The following DLGAP1 variants were observed in gnomAD, a reference collection of about 807,000 sequenced individuals.
DLGAP1 encodes the protein disks large-associated protein 1.
In DLGAP1, 11 loss-of-function variants were observed where a neutral mutation model predicts 90.8. The observed-to-expected ratio is 0.12, with a 90% confidence interval of 0.08 to 0.20. DLGAP1 has a LOEUF of 0.20. Among genes scored for constraint, DLGAP1 ranks in the 10% least tolerant of loss-of-function variants. The pLI, the probability that DLGAP1 is intolerant of heterozygous loss-of-function variation, is 1.00. For synonymous variants in DLGAP1, 558 were observed against 540.7 expected (o/e 1.03, Z -0.44); for missense variants, 1,050 against 1,333.8 (o/e 0.79, Z 3.31).
intron 2 of DLGAP1, among the ~76,000 whole-genome samples, chr18:4,055,236 A>C (rs1408730530): frequency 6.6e-6 from 1 of 152,138 alleles, no homozygotes; most frequent in African/African-American, 2.4e-5. Flanking sequence ...AGCGGTTGAG[A>C]GAGACTGGGG....
chr18:3,674,142 G>T (rs766051870), intron 7 of DLGAP1, among the ~76,000 whole-genome samples: 28 of 151,876 alleles, frequency 1.8e-4, no homozygotes, highest in Non-Finnish European at 3.2e-4. Context: ...ATGCCTGGCC[G>T]ATTGCTACTC....
intron 1 of DLGAP1, among the ~76,000 whole-genome samples, chr18:4,188,688 G>A (rs182263206): frequency 1.3e-4 from 20 of 152,212 alleles, no homozygotes; most frequent in East Asian, 5.8e-4. Flanking sequence ...GTGTAGGTGC[G>A]CCACATTTCC....
chr18:3,825,502 A>G (rs1598896408), intron 4 of DLGAP1, among the ~76,000 whole-genome samples: 1 of 152,134 alleles, frequency 6.6e-6, no homozygotes, highest in South Asian at 2.1e-4. Context: ...CCTGCACATC[A>G]CTTCATTTGT....
At chr18:3,865,367 G>A (rs1404960684) in intron 4 of DLGAP1, among the ~76,000 whole-genome samples, 1 of 152,046 alleles carries the variant, frequency 6.6e-6, no homozygotes, top group African/African-American at 2.4e-5. Context: ...TTGAGTAAAG[G>A]TTCTTTCATA....
In DLGAP1 at chr18:3,884,386, T is replaced by C. The variant is rs146118428; in HGVS notation, c.-72-4246A>G. ...TAGAATCTCAATATATAAAATGATG[T>C]GGAATAATGTTTCGAACTTTCCTTC... is the stretch of plus-strand genomic sequence containing the variant. On this transcript the variant is annotated intron_variant, in intron 3 of 12. Transcript: ENST00000315677. Among the ~76,000 whole-genome samples the C allele has an allele frequency of 2.6e-3, 392 of 152,348 alleles. 2 individuals carry two copies. The highest frequency in any genetic ancestry group is 9.0e-3 in the African/African-American group (374 of 41,580).
At chr18:3,556,543 T>C (rs2053761150) in intron 9 of DLGAP1, among the ~76,000 whole-genome samples, 1 of 152,218 alleles carries the variant, frequency 6.6e-6, no homozygotes, top group Admixed American at 6.5e-5. Context: ...TTTCACTTAG[T>C]AATAATACGT....
At chr18:3,808,825 C>T (rs2066689612) in intron 5 of DLGAP1, among the ~76,000 whole-genome samples, 1 of 151,940 alleles carries the variant, frequency 6.6e-6, no homozygotes, top group Admixed American at 6.6e-5. Context: ...ACAAGATAAA[C>T]AACAACAACA....
intron 2 of DLGAP1, chr18:4,013,918 G>A (rs181017617): frequency 4.6e-5 from 7 of 152,142 alleles, no homozygotes; most frequent in Admixed American, 4.6e-4. Flanking sequence ...GATAAATAGA[G>A]AACAGTTCAT....
chr18:4,105,231 A>T (rs2075839960), intron 2 of DLGAP1, among the ~76,000 whole-genome samples: 1 of 152,178 alleles, frequency 6.6e-6, no homozygotes, highest in Non-Finnish European at 1.5e-5. Flanking sequence ...AGGAAGTGGC[A>T]TGAATTGAGT....
intron 3 of DLGAP1, among the ~76,000 whole-genome samples, chr18:3,908,129 G>A (rs1459108535): frequency 6.6e-6 from 1 of 152,198 alleles, no homozygotes; most frequent in African/African-American, 2.4e-5. Flanking sequence ...ATTTTTAACA[G>A]TCATTCAGTG....
At chr18:3,665,094 G>T (rs1376691675) in intron 7 of DLGAP1, among the ~76,000 whole-genome samples, 1 of 152,122 alleles carries the variant, frequency 6.6e-6, no homozygotes, top group Non-Finnish European at 1.5e-5. Context: ...GTGTGTGGGC[G>T]CAGGAATGCA....
intron 1 of DLGAP1, among the ~76,000 whole-genome samples, chr18:4,324,980 A>G (rs962263125): frequency 1.3e-5 from 2 of 152,080 alleles, no homozygotes; most frequent in South Asian, 2.1e-4. Context: ...CTTTCTTACT[A>G]CTCCTATTCA....
rs1330455272 is a variant in DLGAP1 at position 3,581,984 on chromosome 18, C to T, written c.1856G>A (p.Gly619Asp). The change falls in exon 8 of 13, where the codon GGC (glycine) becomes GAC (aspartate). Residue 619 changes from glycine to aspartate, a missense_variant. Physicochemically the swap from Gly to Asp is moderately conservative, Grantham distance 94 (BLOSUM62 -1). This residue lies in a region of DLGAP1 where 565 missense variants were observed against 879.7 expected (regional missense o/e 0.64). Transcript: ENST00000315677. ...GGTGGTGACGGTGGCAGTGTTATTG[C>T]CCATGTGTTGACTGGCAGGGCCATG... ...QIHGPASQHM[G>D]NNTATVTTTT... 6.2e-7 allele frequency: 1 copy of T among 1,613,796 alleles called. No individual in the cohort carries two copies. Among genetic ancestry groups the T allele is most frequent in the Admixed American group, 1.7e-5 (1 of 59,942 alleles).
chr18:4,400,695 G>A (rs891196968), intron 1 of DLGAP1, among the ~76,000 whole-genome samples: 3 of 152,140 alleles, frequency 2.0e-5, no homozygotes, highest in African/African-American at 7.2e-5. Flanking sequence ...GACAAAGTCA[G>A]AAGTTGAGAA....
chr18:4,108,842 G>C (rs1223479882), intron 2 of DLGAP1, among the ~76,000 whole-genome samples: 2 of 131,676 alleles, frequency 1.5e-5, no homozygotes, highest in Non-Finnish European at 3.5e-5. Flanking sequence ...GAAGGAGAAA[G>C]GGCTCAGGCA....
intron 1 of DLGAP1, among the ~76,000 whole-genome samples, chr18:4,426,444 T>C (rs1015065550): frequency 6.6e-6 from 1 of 152,204 alleles, no homozygotes; most frequent in African/African-American, 2.4e-5. Context: ...GATTTATTGA[T>C]TTAGAAGGTC....
In DLGAP1 at chr18:3,729,597, C is replaced by G. The variant is rs1462710508; in HGVS notation, c.1351-222G>C. Among the ~76,000 whole-genome samples, 2 of 151,874 alleles carry G rather than the reference C, an allele frequency of 1.3e-5. No homozygotes were observed. The highest frequency in any genetic ancestry group is 2.9e-5 in the Non-Finnish European group (2 of 68,012). On this transcript the variant is annotated intron_variant, in intron 6 of 12. Transcript: ENST00000315677. The surrounding 1 kb of genome is among the most constrained non-coding windows in gnomAD (Gnocchi z 6.2). ...TTTTTTCTTGTATTTTTAGTAGAGACAGGGTTTCACCGTGTTGGCCAGGCT... is the reference window on the plus strand; with the variant it reads ...TTTTTTCTTGTATTTTTAGTAGAGAGAGGGTTTCACCGTGTTGGCCAGGCT...
chr18:3,816,631 G>C lies in DLGAP1; in HGVS notation c.958-2358C>G, dbSNP rs371216826. Among the ~76,000 whole-genome samples the C allele has an allele frequency of 1.1e-3, 160 of 152,218 alleles. 1 individual carries two copies. The South Asian group carries it at 0.019, about 18-fold the overall frequency. On this transcript the variant is annotated intron_variant, in intron 4 of 12. Coordinates refer to ENST00000315677, the MANE Select transcript of DLGAP1 (RefSeq NM_004746.4). ...CTCCTGTGTGCAGGCACTGTTCTAA[G>C]TGCTTTTTAAATGTCAGCTCATTTG...
chr18:3,918,608 T>C (rs1360767579), intron 3 of DLGAP1, among the ~76,000 whole-genome samples: 1 of 152,176 alleles, frequency 6.6e-6, no homozygotes, highest in Non-Finnish European at 1.5e-5. Flanking sequence ...TTCTGGAGAT[T>C]TTCCCCCTAA....
Sources: allele counts gnomAD v4.1 joint callset (sites outside exome capture counted in the v4.1 genomes callset), GRCh38; gene constraint gnomAD v4.1.1; regional missense constraint gnomAD v4.1.1; non-coding constraint Gnocchi (gnomAD v3.1); transcripts MANE v1.5; gene names NCBI Gene and HGNC (gene_info 2026-07-23, HGNC 2026-07-21).